Variants in ZSCAN5A observed in about 807,000 individuals in gnomAD.
ZSCAN5A encodes zinc finger and SCAN domain-containing protein 5A.
A neutral mutation model predicts 23.7 loss-of-function variants in ZSCAN5A; 12 were observed. The ratio of observed to expected loss-of-function variants is 0.51; its 90% CI spans 0.32 to 0.82. ZSCAN5A has a LOEUF of 0.82. Among genes scored for constraint, ZSCAN5A ranks in the 40% least tolerant of loss-of-function variants. The pLI is 0.03. For synonymous variants in ZSCAN5A, 257 were observed against 239.9 expected (o/e 1.07, Z -0.66); for missense variants, 597 against 617.9 (o/e 0.97, Z 0.36).
chr19:56,327,530 A>T (rs957862483), intron 2 of ZSCAN5A, among the ~76,000 whole-genome samples: 1 of 150,852 alleles, frequency 6.6e-6, no homozygotes, highest in Non-Finnish European at 1.5e-5. Context: ...AGTCATACAC[A>T]TATTGAATAT....
At chr19:56,302,563 C>CTTCCTTTTCTTCCTCCCTCCCTCCCCT (rs150005575) in intron 2 of ZSCAN5A, among the ~76,000 whole-genome samples, 1 of 92,966 alleles carries the variant, frequency 1.1e-5, no homozygotes, top group East Asian at 3.6e-4. Flanking sequence ...CTCCCTCCCC[C>CTTCCTTTTCTTCCTCCCTCCCTCCCCT]CTTCCTTTTC....
At position 56,292,817 on chromosome 19, in the gene ZSCAN5A, G is replaced by A. The variant is rs539176784; in HGVS notation, c.-128+20466C>T. Among the ~76,000 whole-genome samples the A allele has an allele frequency of 2.6e-4, 40 of 152,282 alleles. No homozygotes were observed. The South Asian group carries it at 6.4e-3, about 24-fold the overall frequency. ...ACCTCATAGAAGTAGAATCGTACACGATGTGGTCTTTTGTGTCTGGCTTCA... is the reference window on the plus strand; with the variant it reads ...ACCTCATAGAAGTAGAATCGTACACAATGTGGTCTTTTGTGTCTGGCTTCA... On this transcript the variant is annotated intron_variant, in intron 2 of 5. Transcript: ENST00000683990.
chr19:56,228,429 T>C (rs1394243962), intron 2 of ZSCAN5A: 1 of 985,324 alleles, frequency 1.0e-6, no homozygotes, highest in Non-Finnish European at 1.2e-6. Flanking sequence ...CGGCGTTGAT[T>C]ATGGTTCCCA....
At chr19:56,254,059 C>CT (rs11425014) in intron 2 of ZSCAN5A, among the ~76,000 whole-genome samples, 74,935 of 143,258 alleles carry the variant, frequency 0.52, 19,699 homozygotes, top group South Asian at 0.61. Context: ...GAATGAGCAT[C>CT]TTTTTTTTTT....
At chr19:56,253,570 C>G (rs1045764976) in intron 2 of ZSCAN5A, among the ~76,000 whole-genome samples, 1 of 152,076 alleles carries the variant, frequency 6.6e-6, no homozygotes, top group African/African-American at 2.4e-5. Context: ...ACAAGTGGCT[C>G]CCATCGGTGT....
intron 2 of ZSCAN5A, among the ~76,000 whole-genome samples, chr19:56,257,823 C>T (rs1301108477): frequency 2.3e-5 from 3 of 132,954 alleles, no homozygotes; most frequent in Non-Finnish European, 4.7e-5. Context: ...CACCACTGCC[C>T]ATCTTCTTAG....
chr19:56,268,806 C>T (rs1476435384), intron 2 of ZSCAN5A, among the ~76,000 whole-genome samples: 1 of 152,116 alleles, frequency 6.6e-6, no homozygotes. Flanking sequence ...TCCTAGTCCC[C>T]GACAACCACT....
chr19:56,298,811 GA>G (rs2040047002), intron 2 of ZSCAN5A, among the ~76,000 whole-genome samples: 1 of 152,132 alleles, frequency 6.6e-6, no homozygotes, highest in South Asian at 2.1e-4. Flanking sequence ...AAATCTTCCA[GA>G]AAATTAAAAA....
intron 2 of ZSCAN5A, among the ~76,000 whole-genome samples, chr19:56,237,469 C>T (rs534674605): frequency 1.3e-5 from 2 of 152,136 alleles, no homozygotes; most frequent in African/African-American, 2.4e-5. Flanking sequence ...GTGTTCAGGG[C>T]GGGTTTAGGG....
intron 2 of ZSCAN5A, chr19:56,343,157 T>C (rs2041607909): frequency 1.4e-6 from 1 of 724,356 alleles, no homozygotes; most frequent in Non-Finnish European, 2.5e-6. Context: ...CTTTATTTCA[T>C]CTCTAATTGC....
intron 2 of ZSCAN5A, among the ~76,000 whole-genome samples, chr19:56,361,777 G>C (rs1036253301): frequency 6.6e-6 from 1 of 151,998 alleles, no homozygotes; most frequent in Non-Finnish European, 1.5e-5. Context: ...CTAGGTGATG[G>C]GTTGATAGGT....
intron 2 of ZSCAN5A, among the ~76,000 whole-genome samples, chr19:56,339,275 T>C (rs12973664): frequency 0.088 from 12,869 of 146,820 alleles, 656 homozygotes; most frequent in South Asian, 0.15. Context: ...GCTGTAGCCA[T>C]ATTTAGCAAT....
rs150314765 is a variant in ZSCAN5A at position 56,246,518 on chromosome 19, T to C, written c.-127-21345A>G. 4,055 of 658,084 alleles carry C rather than the reference T, an allele frequency of 6.2e-3. 98 individuals are homozygous for C. In the African/African-American group the frequency reaches 0.066, roughly 11 times the overall value. The allele number at this position is 658,084 out of a possible 1,614,324, so 40.8% of individuals were successfully genotyped here. On this transcript the variant is annotated intron_variant, in intron 2 of 5. Transcript: ENST00000683990. ...GGGTTAGCCCCTCTCTTCTGGGGTG[T>C]GGGGCTGGGGTCCCAGCATTATCAT...
intron 2 of ZSCAN5A, among the ~76,000 whole-genome samples, chr19:56,324,954 T>C (rs774981582): frequency 7.1e-4 from 108 of 152,134 alleles, no homozygotes; most frequent in Admixed American, 1.4e-3. Context: ...TGAAGGGCCC[T>C]TGTGACTGGG....
intron 2 of ZSCAN5A, among the ~76,000 whole-genome samples, chr19:56,299,444 T>TAA (rs57347831): frequency 8.4e-5 from 12 of 143,378 alleles, no homozygotes; most frequent in African/African-American, 1.8e-4. Flanking sequence ...TGTTCATGAT[T>TAA]AAAAAAAAAA....
At position 56,231,086 on chromosome 19, in the gene ZSCAN5A, G is replaced by T. The variant is rs1600017711; in HGVS notation, c.-127-5913C>A. 2.0e-5 allele frequency among the ~76,000 whole-genome samples: 3 copies of T among 152,300 alleles called. No individual in the cohort carries two copies. The East Asian group carries it at 5.8e-4, about 29-fold the overall frequency. ...AAGTTCACTGGGCATTATGGTGCAAGCCTGTAGTCCCAGCTACCTGGGAGT... is the reference window on the plus strand; with the variant it reads ...AAGTTCACTGGGCATTATGGTGCAATCCTGTAGTCCCAGCTACCTGGGAGT... On this transcript the variant is annotated intron_variant, in intron 2 of 5. Transcript: ENST00000683990.
chr19:56,221,371 TAAGAAAACA>T lies in ZSCAN5A; in HGVS notation c.*195_*203del, dbSNP rs905409701. On this transcript the variant is annotated 3_prime_UTR_variant, in exon 6 of 6. Transcript: ENST00000683990. Reference sequence around the variant, plus strand: ...AGCAACACAAACCAAAATAAACCTATAAGAAAACAATGGACATAATGAAACAGAAAACAA... The same window carrying T: ...AGCAACACAAACCAAAATAAACCTATATGGACATAATGAAACAGAAAACAA... The T allele has an allele frequency of 3.7e-6, 2 of 540,782 alleles. No homozygotes were observed. The allele number at this position is 540,782 out of a possible 1,614,324, so 33.5% of individuals were successfully genotyped here.
At chr19:56,322,871 T>G (rs903199512) in intron 2 of ZSCAN5A, among the ~76,000 whole-genome samples, 2 of 151,694 alleles carry the variant, frequency 1.3e-5, no homozygotes, top group Admixed American at 1.3e-4. Context: ...GTTTTTAAAT[T>G]AGTATTATTT....
intron 2 of ZSCAN5A, chr19:56,274,508 A>C (rs1020164205): frequency 1.3e-5 from 2 of 152,088 alleles, no homozygotes; most frequent in Non-Finnish European, 2.9e-5. Flanking sequence ...TTTTTTAAAA[A>C]ATTTATTTTG....
Sources: gnomAD v4.1 joint callset for allele counts (sites outside exome capture counted in the v4.1 genomes callset) on GRCh38, gnomAD v4.1.1 for gene constraint, MANE v1.5 for transcripts, NCBI Gene and HGNC (gene_info 2026-07-23, HGNC 2026-07-21) for gene names.